The following KCNIP4 variants were observed in gnomAD, a reference collection of about 807,000 sequenced individuals.
KCNIP4 encodes the protein potassium voltage-gated channel interacting protein 4, also known as Kv channel-interacting protein 4.
Under a neutral mutation model 34.0 loss-of-function variants are expected in KCNIP4, and 12 were observed. The observed-to-expected ratio is 0.35, with a 90% CI of 0.23 to 0.57. The LOEUF (loss-of-function observed/expected upper bound fraction) is 0.57. Ranked by LOEUF, KCNIP4 falls within the 20% of genes least tolerant of loss-of-function variation. KCNIP4 has a pLI of 0.83. For missense variants in KCNIP4, 238 were observed against 311.7 expected, an observed-to-expected ratio of 0.76 and a Z score of 1.78; for synonymous variants, 124 against 102.2, an observed-to-expected ratio of 1.21 and a Z score of -1.29.
At chr4:20,826,516 C>G (rs749559386) in intron 3 of KCNIP4, among the ~76,000 whole-genome samples, 1 of 151,768 alleles carries the variant, frequency 6.6e-6, no homozygotes, top group Non-Finnish European at 1.5e-5. Flanking sequence ...TCCAGGAGGT[C>G]AAGTCTGCAG....
intron 1 of KCNIP4, among the ~76,000 whole-genome samples, chr4:21,302,041 T>G (rs1711786504): frequency 6.6e-6 from 1 of 152,214 alleles, no homozygotes; most frequent in Non-Finnish European, 1.5e-5. Context: ...TATTAAAGTT[T>G]CTGAGATAGT....
intron 1 of KCNIP4, among the ~76,000 whole-genome samples, chr4:21,491,210 G>A (rs544389138): frequency 1.5e-4 from 23 of 152,158 alleles, no homozygotes; most frequent in African/African-American, 4.8e-4. Context: ...GTATGGTTTC[G>A]TGAATAAATA....
At chr4:21,635,143 A>G (rs994923577) in intron 1 of KCNIP4, among the ~76,000 whole-genome samples, 3 of 152,194 alleles carry the variant, frequency 2.0e-5, no homozygotes, top group Non-Finnish European at 4.4e-5. Flanking sequence ...CCCTGACCCA[A>G]CGAGGAGGTT....
chr4:21,238,977 C>A (rs1177192494), intron 1 of KCNIP4, among the ~76,000 whole-genome samples: 1 of 152,116 alleles, frequency 6.6e-6, no homozygotes, highest in Admixed American at 6.6e-5. Flanking sequence ...TCAAACTATA[C>A]TACAAGGCTA....
intron 1 of KCNIP4, among the ~76,000 whole-genome samples, chr4:21,286,881 T>C (rs1447089110): frequency 6.6e-6 from 1 of 152,184 alleles, no homozygotes; most frequent in Admixed American, 6.5e-5. Context: ...CATTCTTCCA[T>C]GCACCCTAGG....
intron 1 of KCNIP4, among the ~76,000 whole-genome samples, chr4:21,516,398 C>A (rs557467715): frequency 6.6e-6 from 1 of 152,286 alleles, no homozygotes; most frequent in Admixed American, 6.5e-5. Context: ...CCTACCACAA[C>A]AATCACCCTT....
chr4:21,569,485 A>C (rs530371039), intron 1 of KCNIP4, among the ~76,000 whole-genome samples: 4 of 152,118 alleles, frequency 2.6e-5, no homozygotes, highest in Admixed American at 1.3e-4. Flanking sequence ...CTTGGGATAC[A>C]TTTTAGAAAA....
chr4:21,090,212 T>C (rs1191716153), intron 1 of KCNIP4, among the ~76,000 whole-genome samples: 1 of 152,204 alleles, frequency 6.6e-6, no homozygotes, highest in African/African-American at 2.4e-5. Flanking sequence ...GTGTGTTTAT[T>C]TGCATAACGA....
chr4:21,374,604 A>G (rs182629068), intron 1 of KCNIP4, among the ~76,000 whole-genome samples: 1 of 147,640 alleles, frequency 6.8e-6, no homozygotes, highest in South Asian at 2.1e-4. Context: ...GGTGAACTGT[A>G]TGGTATGGGC....
chr4:21,599,781 CA>C (rs1742952858), intron 1 of KCNIP4, among the ~76,000 whole-genome samples: 1 of 152,006 alleles, frequency 6.6e-6, no homozygotes, highest in Non-Finnish European at 1.5e-5. Context: ...GTTTACCTAC[CA>C]AAGGTGAAAT....
intron 1 of KCNIP4, among the ~76,000 whole-genome samples, chr4:21,442,819 C>T (rs1206515345): frequency 6.6e-6 from 1 of 152,120 alleles, no homozygotes; most frequent in Non-Finnish European, 1.5e-5. Context: ...CTAGCAACTC[C>T]CAAGTTCACC....
chr4:21,485,951 C>T (rs1161065635), intron 1 of KCNIP4, among the ~76,000 whole-genome samples: 2 of 147,022 alleles, frequency 1.4e-5, no homozygotes, highest in Non-Finnish European at 3.1e-5. Context: ...AAGTTCACTG[C>T]TGCTTCCCAC....
intron 1 of KCNIP4, among the ~76,000 whole-genome samples, chr4:21,422,974 A>T (rs954159828): frequency 6.6e-6 from 1 of 152,230 alleles, no homozygotes; most frequent in Non-Finnish European, 1.5e-5. Flanking sequence ...CTTAGACTTC[A>T]GTAATGAATG....
intron 1 of KCNIP4, among the ~76,000 whole-genome samples, chr4:21,475,101 T>C (rs898241638): frequency 1.3e-5 from 2 of 152,132 alleles, no homozygotes; most frequent in African/African-American, 2.4e-5. Flanking sequence ...TTATATTCTT[T>C]ACAGTTTTTG....
intron 1 of KCNIP4, among the ~76,000 whole-genome samples, chr4:21,597,014 T>C (rs1164958299): frequency 6.6e-6 from 1 of 152,050 alleles, no homozygotes; most frequent in Non-Finnish European, 1.5e-5. Context: ...AAGTGAAACA[T>C]CATGGGGGTG....
chr4:21,948,506 C>G, intron 1 of KCNIP4, 65 bp downstream of exon 1: 1 of 1,548,326 alleles, frequency 6.5e-7, no homozygotes, highest in East Asian at 2.3e-5. Flanking sequence ...AAGGGGCAGC[C>G]GTCTTGGCTC....
rs369502553 is a variant in KCNIP4 at position 21,184,542 on chromosome 4, G to T, written c.62-301833C>A. ...TACGTAATGAAGACGAGAGATGGGA[G>T]GGGTTGTTAGCACAATTAGCTGTAA... On this transcript the variant is annotated intron_variant, in intron 1 of 8. Transcript: ENST00000382152. Among the ~76,000 whole-genome samples the T allele has an allele frequency of 9.9e-5, 15 of 152,238 alleles. No individual in the cohort carries two copies. The East Asian group carries it at 1.5e-3, about 16-fold the overall frequency.
At chr4:21,923,676 A>G (rs1357032177) in intron 1 of KCNIP4, among the ~76,000 whole-genome samples, 1 of 152,138 alleles carries the variant, frequency 6.6e-6, no homozygotes, top group East Asian at 1.9e-4. Context: ...TCCTCCACGA[A>G]GTCTTCCCCT....
chr4:20,922,576 TCTATCTATCTC>T (rs1010454038), intron 1 of KCNIP4, among the ~76,000 whole-genome samples: 11 of 150,732 alleles, frequency 7.3e-5, no homozygotes, highest in Non-Finnish European at 1.3e-4. Flanking sequence ...TATCTATCTA[TCTATCTATCTC>T]CTATTGGTTC....
Sources: allele counts gnomAD v4.1 joint callset (sites outside exome capture counted in the v4.1 genomes callset), GRCh38; gene constraint gnomAD v4.1.1; transcripts MANE v1.5; gene names NCBI Gene and HGNC (gene_info 2026-07-23, HGNC 2026-07-21).